MACROD2: variants seen among roughly 807,000 people sequenced by gnomAD.
MACROD2 encodes ADP-ribose glycohydrolase MACROD2.
In MACROD2, 36 loss-of-function variants were observed where a neutral mutation model predicts 70.4. That is an observed-to-expected ratio of 0.51 (90% CI 0.39 to 0.68). The LOEUF is 0.68. Ranked by LOEUF, MACROD2 falls within the 30% of genes least tolerant of loss-of-function variation. The pLI, the probability that MACROD2 is intolerant of heterozygous loss-of-function variation, is 0.00. For missense variants in MACROD2, 496 were observed against 538.4 expected, an observed-to-expected ratio of 0.92 and a Z score of 0.78; for synonymous variants, 172 against 178.8, an observed-to-expected ratio of 0.96 and a Z score of 0.30.
intron 3 of MACROD2, among the ~76,000 whole-genome samples, chr20:14,227,100 T>C (rs1362605172): frequency 2.6e-5 from 4 of 152,146 alleles, no homozygotes; most frequent in Non-Finnish European, 5.9e-5. Flanking sequence ...TCAGGGTTTG[T>C]GAATGCACCA....
chr20:14,743,877 CAG>C (rs989483611), intron 5 of MACROD2, among the ~76,000 whole-genome samples: 8 of 152,090 alleles, frequency 5.3e-5, no homozygotes, highest in African/African-American at 1.9e-4. Flanking sequence ...AATACAGACA[CAG>C]GGGTGGTCCA....
At chr20:14,563,007 A>C (rs142040045) in intron 4 of MACROD2, among the ~76,000 whole-genome samples, 1 of 151,910 alleles carries the variant, frequency 6.6e-6, no homozygotes, top group African/African-American at 2.4e-5. Context: ...CTTCTATCTC[A>C]GCATTGGCAT....
At position 14,355,570 on chromosome 20, in the gene MACROD2, GT is replaced by G. The variant is rs199886341; in HGVS notation, c.272-137902del. 5.5e-5 allele frequency among the ~76,000 whole-genome samples: 8 copies of G among 144,830 alleles called. No homozygotes were observed. In the South Asian group the frequency reaches 1.4e-3, roughly 25 times the overall value. ...GAATTATTTTGTAACCATTTATGTG[GT>G]TTTTTTGTGATGACATGGAAATATA... On this transcript the variant is annotated intron_variant, in intron 3 of 17. Coordinates refer to ENST00000684519, the MANE Select transcript of MACROD2 (RefSeq NM_001351661.2).
At chr20:14,912,101 C>T (rs1344932170) in intron 5 of MACROD2, among the ~76,000 whole-genome samples, 2 of 152,062 alleles carry the variant, frequency 1.3e-5, no homozygotes, top group Admixed American at 6.6e-5. Flanking sequence ...TCACTTGGTC[C>T]CATCTCTACT....
At chr20:15,252,877 A>G (rs2077167945) in intron 6 of MACROD2, among the ~76,000 whole-genome samples, 1 of 152,190 alleles carries the variant, frequency 6.6e-6, no homozygotes, top group South Asian at 2.1e-4. Flanking sequence ...CCAGCTGCTC[A>G]CCAGAGCCTG....
At chr20:15,532,690 A>T (rs2047820355) in intron 8 of MACROD2, among the ~76,000 whole-genome samples, 1 of 144,402 alleles carries the variant, frequency 6.9e-6, no homozygotes, top group Non-Finnish European at 1.5e-5. Context: ...ACAGAATGCT[A>T]CAAACACACT....
intron 3 of MACROD2, among the ~76,000 whole-genome samples, chr20:14,391,338 G>A (rs961920735): frequency 3.9e-5 from 6 of 152,168 alleles, no homozygotes; most frequent in Admixed American, 3.9e-4. Flanking sequence ...GATGGAGCCG[G>A]AGGCCATTAT....
intron 3 of MACROD2, among the ~76,000 whole-genome samples, chr20:14,168,431 T>G (rs1339862742): frequency 6.6e-6 from 1 of 152,188 alleles, no homozygotes; most frequent in East Asian, 1.9e-4. Context: ...TGCTTAATTT[T>G]TAAAGAAAAA....
intron 5 of MACROD2, among the ~76,000 whole-genome samples, chr20:15,176,740 G>A (rs1366888816): frequency 6.6e-6 from 1 of 152,112 alleles, no homozygotes; most frequent in Admixed American, 6.5e-5. Flanking sequence ...AACCCAAGCA[G>A]AACTGTAACA....
At chr20:14,723,633 T>G (rs886765310) in intron 5 of MACROD2, among the ~76,000 whole-genome samples, 1 of 151,274 alleles carries the variant, frequency 6.6e-6, no homozygotes, top group Non-Finnish European at 1.5e-5. Flanking sequence ...TTGCTTTAAA[T>G]GCCTGTTGAA....
intron 5 of MACROD2, among the ~76,000 whole-genome samples, chr20:14,754,193 G>T (rs1600628544): frequency 6.6e-6 from 1 of 152,044 alleles, no homozygotes; most frequent in Non-Finnish European, 1.5e-5. Context: ...GGTACCCTTG[G>T]CAAATAGAAT....
intron 5 of MACROD2, among the ~76,000 whole-genome samples, chr20:14,949,257 T>C (rs774720219): frequency 6.6e-6 from 1 of 152,184 alleles, no homozygotes; most frequent in Non-Finnish European, 1.5e-5. Flanking sequence ...TTAAAAATAA[T>C]CTTCGTATAT....
In MACROD2 at chr20:14,120,909, G is replaced by A. The variant is rs567580733; in HGVS notation, c.271+35181G>A. ...ACAACACACACCAGGGCCTGTTATG[G>A]GTGGGGGGTGAGGGGAGGGAACTTA... On this transcript the variant is annotated intron_variant, in intron 3 of 17. Transcript: ENST00000684519. 4.6e-5 allele frequency among the ~76,000 whole-genome samples: 7 copies of A among 151,256 alleles called. No homozygotes were observed. In the East Asian group the frequency reaches 9.8e-4, roughly 21 times the overall value.
chr20:14,298,853 A>C (rs1450535185), intron 3 of MACROD2, among the ~76,000 whole-genome samples: 1 of 152,208 alleles, frequency 6.6e-6, no homozygotes, highest in Non-Finnish European at 1.5e-5. Context: ...TAGAACTAGA[A>C]GTGTATCCTG....
At chr20:15,903,844 A>ATAC (rs1398786229) in intron 10 of MACROD2, among the ~76,000 whole-genome samples, 2 of 152,204 alleles carry the variant, frequency 1.3e-5, no homozygotes, top group Non-Finnish European at 2.9e-5. Context: ...GGAGCAAGGG[A>ATAC]TACTAATGGC....
intron 5 of MACROD2, among the ~76,000 whole-genome samples, chr20:14,698,125 A>G (rs944155232): frequency 6.6e-6 from 1 of 152,126 alleles, no homozygotes; most frequent in Non-Finnish European, 1.5e-5. Context: ...GACCTGCCCA[A>G]GGTCTTCTTG....
chr20:14,599,296 C>G (rs559351015), intron 4 of MACROD2, among the ~76,000 whole-genome samples: 1 of 152,076 alleles, frequency 6.6e-6, no homozygotes, highest in African/African-American at 2.4e-5. Flanking sequence ...ACTGTTAAAG[C>G]GTTGAGGACA....
intron 5 of MACROD2, among the ~76,000 whole-genome samples, chr20:15,029,820 C>T (rs1050725149): frequency 4.3e-4 from 65 of 152,228 alleles, no homozygotes; most frequent in South Asian, 4.1e-4. Context: ...TGAATAAATG[C>T]TTATTGAGTG....
chr20:14,649,354 A>G lies in MACROD2; in HGVS notation c.302-35489A>G, dbSNP rs531638492. On this transcript the variant is annotated intron_variant, in intron 4 of 17. Transcript: ENST00000684519. Reference sequence around the variant, plus strand: ...TCCTCAGATATAGACCAATACTGATATCTAAAAAGTTTATTCTTATGGGTA... The same window carrying G: ...TCCTCAGATATAGACCAATACTGATGTCTAAAAAGTTTATTCTTATGGGTA... 2.6e-5 allele frequency among the ~76,000 whole-genome samples: 4 copies of G among 152,288 alleles called. No individual in the cohort carries two copies. In the South Asian group the frequency reaches 8.3e-4, roughly 32 times the overall value.
Sources: gnomAD v4.1 joint callset for allele counts (sites outside exome capture counted in the v4.1 genomes callset) on GRCh38, gnomAD v4.1.1 for gene constraint, MANE v1.5 for transcripts, NCBI Gene and HGNC (gene_info 2026-07-23, HGNC 2026-07-21) for gene names.